Variants in DNHD1 observed in about 807,000 individuals in gnomAD.
DNHD1 encodes dynein heavy chain domain-containing protein 1.
DNHD1 carries 383 observed loss-of-function variants against 458.1 expected under a neutral mutation model. That is an observed-to-expected ratio of 0.84 (90% CI 0.77 to 0.91). The LOEUF (loss-of-function observed/expected upper bound fraction) is 0.91, where lower values mean the gene tolerates loss of function less well. DNHD1 is among the 40% of genes least tolerant of loss of function. The probability of loss-of-function intolerance (pLI) is 0.00; values close to 1 mark genes in which losing one functional copy is unlikely to be tolerated. For missense variants in DNHD1, 5,336 were observed against 5,866.1 expected, an observed-to-expected ratio of 0.91 and a Z score of 2.95; for synonymous variants, 2,203 against 2,376.9, an observed-to-expected ratio of 0.93 and a Z score of 2.13.
Position 6,571,116 on chromosome 11 carries a change from T to G in DNHD1, c.13604T>G (p.Leu4535Trp). ...AHALWTGRLPLPWRPHAPAGP... is the reference protein window; with the variant it reads ...AHALWTGRLPWPWRPHAPAGP... Reference sequence around the variant, plus strand: ...GCTCTCTGGACTGGCCGCCTACCCTTGCCTTGGCGACCTCATGCGCCGGCC... The same window carrying G: ...GCTCTCTGGACTGGCCGCCTACCCTGGCCTTGGCGACCTCATGCGCCGGCC... The change falls in exon 42 of 43, where the codon TTG (leucine) becomes TGG (tryptophan). Residue 4535 changes from leucine to tryptophan, a missense_variant. By Grantham distance (61) the Leu-to-Trp change is moderately conservative (BLOSUM62 -2). Transcript: ENST00000254579. The surrounding 1 kb of genome is among the most constrained non-coding windows in gnomAD (Gnocchi z 5.0). 6.2e-7 allele frequency: 1 copy of G among 1,600,082 alleles called. No homozygotes were observed.
Position 6,559,280 on chromosome 11 carries a change from C to A in DNHD1, c.9516C>A (p.Gly3172=), listed in dbSNP as rs760715602. 1.5e-5 allele frequency: 24 copies of A among 1,551,298 alleles called. No individual in the cohort carries two copies. The East Asian group carries it at 5.9e-4, about 38-fold the overall frequency. ...FDLEQQLKDS[G]KSLSMFQQQL... is the part of the protein sequence containing the mutation. ...TGGAACAGCAGCTGAAAGACTCCGGCAAGGTAAGGAGATGATTTTGAGGCT... is the reference window on the plus strand; with the variant it reads ...TGGAACAGCAGCTGAAAGACTCCGGAAAGGTAAGGAGATGATTTTGAGGCT... The change falls in exon 28 of 43, where the codon GGC becomes GGA. Residue 3172 remains glycine, a synonymous_variant. Coordinates refer to ENST00000254579, the MANE Select transcript of DNHD1 (RefSeq NM_144666.3).
intron 16 of DNHD1, among the ~76,000 whole-genome samples, 189 bp downstream of exon 16, chr11:6,538,999 T>C (rs1364428226): frequency 6.6e-6 from 1 of 152,206 alleles, no homozygotes; most frequent in African/African-American, 2.4e-5. Context: ...TACTACCTCC[T>C]CTCTGCTGAT....
In DNHD1 at chr11:6,551,904, T is replaced by C. The variant is rs1453186453; in HGVS notation, c.7387+2971T>C. Among the ~76,000 whole-genome samples, 2 of 133,156 alleles carry C rather than the reference T, an allele frequency of 1.5e-5. 1 individual carries two copies. The highest frequency in any genetic ancestry group is 6.3e-5 in the African/African-American group (2 of 31,782). 87.4% of individuals were successfully genotyped at this position (133,156 alleles called of 152,430 possible). On this transcript the variant is annotated intron_variant, in intron 24 of 42. Transcript: ENST00000254579. ...TGCGGTGAGCTGAGATTTGCACCAC[T>C]GCACTCCAGCCTGGTGACAGAGCGA... is the stretch of plus-strand genomic sequence containing the variant.
In DNHD1 at chr11:6,564,423, C is replaced by T. The variant is rs552630821; in HGVS notation, c.10375C>T (p.Arg3459Cys). 2.2e-5 allele frequency: 34 copies of T among 1,551,690 alleles called. No individual in the cohort carries two copies. The highest frequency in any genetic ancestry group is 9.8e-5 in the East Asian group (4 of 40,924). The change falls in exon 32 of 43, where the codon CGC (arginine) becomes TGC (cysteine). Residue 3459 changes from arginine to cysteine, a missense_variant. Transcript: ENST00000254579. ...CCTGGGTCCCTTCCCACCATTGCGG[C>T]GCCAAGAGCTACTGGACGAGTGGTT... is the stretch of plus-strand genomic sequence containing the variant. ...IYLGPFPPLR[R>C]QELLDEWLAL...
Position 6,563,718 on chromosome 11 carries a change from A to C in DNHD1, c.9878A>C (p.Lys3293Thr). 1 of 1,547,314 alleles carries C rather than the reference A, an allele frequency of 6.5e-7. No individual in the cohort carries two copies. The highest frequency in any genetic ancestry group is 2.4e-5 in the East Asian group (1 of 40,828). ...GAGCTGGTGTTCTTCCCCAAGGAGAAGATAACAGACTCAGAGCTGATAAAG... is the reference window on the plus strand; with the variant it reads ...GAGCTGGTGTTCTTCCCCAAGGAGACGATAACAGACTCAGAGCTGATAAAG... ...YQELVFFPKE[K>T]ITDSELIKLH... The change falls in exon 31 of 43, where the codon AAG (lysine) becomes ACG (threonine). Residue 3293 changes from lysine to threonine, a missense_variant. By Grantham distance (78) the Lys-to-Thr change is moderately conservative. This residue lies in a region of DNHD1 where 3,932 missense variants were observed against 4,365.6 expected (regional missense o/e 0.90). Transcript: ENST00000254579.
chr11:6,571,856 T>C lies in DNHD1; in HGVS notation c.14132T>C (p.Met4711Thr), dbSNP rs748943060. 3 of 1,613,900 alleles carry C rather than the reference T, an allele frequency of 1.9e-6. No individual in the cohort carries two copies. The highest frequency in any genetic ancestry group is 1.7e-5 in the Admixed American group (1 of 60,006). Residue 4711 changes from methionine to threonine, a missense_variant, in exon 43 of 43, where the codon ATG becomes ACG. This residue lies in a region of DNHD1 where 698 missense variants were observed against 664.9 expected (regional missense o/e 1.05). Transcript: ENST00000254579. The surrounding 1 kb of genome is among the most constrained non-coding windows in gnomAD (Gnocchi z 5.0). Reference protein sequence around the residue: ...DLTVYSCPVYMGGPLGTAKLQ... With the variant: ...DLTVYSCPVYTGGPLGTAKLQ... ...ACTGTGTACTCGTGTCCTGTGTACA[T>C]GGGAGGGCCCCTTGGCACCGCTAAG...
Position 6,519,640 on chromosome 11 carries a change from A to G in DNHD1, c.1433A>G (p.Glu478Gly). The G allele has an allele frequency of 6.2e-7, 1 of 1,614,168 alleles. No homozygotes were observed. Among genetic ancestry groups the G allele is most frequent in the Non-Finnish European group, 8.5e-7 (1 of 1,180,018 alleles). Reference sequence around the variant, plus strand: ...TACCACATGCAACAGTGCCTACAGGAGCGAGTACAAAACTGTGACAGGATC... The same window carrying G: ...TACCACATGCAACAGTGCCTACAGGGGCGAGTACAAAACTGTGACAGGATC... ...DTYHMQQCLQ[E>G]RVQNCDRIRT... Residue 478 changes from glutamate to glycine, a missense_variant, in exon 8 of 43, where the codon GAG (glutamate) becomes GGG (glycine). Glu to Gly is a moderately conservative substitution (Grantham distance 98, BLOSUM62 -2). This residue lies in a region of DNHD1 where 3,932 missense variants were observed against 4,365.6 expected (regional missense o/e 0.90). Coordinates refer to ENST00000254579, the MANE Select transcript of DNHD1 (RefSeq NM_144666.3).
chr11:6,549,034 C>G, intron 24 of DNHD1, 101 bp downstream of exon 24: 2 of 1,302,276 alleles, frequency 1.5e-6, no homozygotes, highest in South Asian at 2.7e-5. Flanking sequence ...GTCTGTAGAT[C>G]TAACTTTAGT....
chr11:6,528,503 A>T lies in DNHD1; in HGVS notation c.1838-19A>T. 1 of 1,544,114 alleles carries T rather than the reference A, an allele frequency of 6.5e-7. No individual in the cohort carries two copies. Among genetic ancestry groups the T allele is most frequent in the Non-Finnish European group, 8.8e-7 (1 of 1,141,636 alleles). On this transcript the variant is annotated intron_variant, in intron 10 of 42. Coordinates refer to ENST00000254579, the MANE Select transcript of DNHD1 (RefSeq NM_144666.3). Reference sequence around the variant, plus strand: ...CTCTGGAGGGTACTCACGGACAATTATGGCCTGTGCTCCACTAGAAGAAGA... The same window carrying T: ...CTCTGGAGGGTACTCACGGACAATTTTGGCCTGTGCTCCACTAGAAGAAGA...
Position 6,546,749 on chromosome 11 carries a change from C to G in DNHD1, c.5810C>G (p.Pro1937Arg), listed in dbSNP as rs999106146. The G allele has an allele frequency of 3.2e-6, 5 of 1,551,688 alleles. No homozygotes were observed. The Admixed American group carries it at 5.9e-5, about 18-fold the overall frequency. ...CGAGGGCTGTTGTGTGCGCTTTTCC[C>G]TAGCGCCAGCCAAGTGCTGGCAGAA... is the stretch of plus-strand genomic sequence containing the variant. ...NLRGLLCALF[P>R]SASQVLAEPM... Residue 1937 changes from proline to arginine, a missense_variant, in exon 21 of 43, where the codon CCT becomes CGT. Transcript: ENST00000254579.
Position 6,571,412 on chromosome 11 carries a change from C to G in DNHD1, c.13900C>G (p.Leu4634Val). 1 of 1,599,558 alleles carries G rather than the reference C, an allele frequency of 6.3e-7. No individual in the cohort carries two copies. The part of the protein sequence containing the change: ...YKRLEMNSNP[L>V]HFRVENGPNP... Reference sequence around the variant, plus strand: ...ACGTCTGGAGATGAACAGCAACCCTCTGCACTTCAGGGTATCTTCGCGCCG... The same window carrying G: ...ACGTCTGGAGATGAACAGCAACCCTGTGCACTTCAGGGTATCTTCGCGCCG... The change falls in exon 42 of 43, where the codon CTG becomes GTG. Residue 4634 changes from leucine to valine, a missense_variant. Physicochemically the swap from Leu to Val is conservative, Grantham distance 32. Coordinates refer to ENST00000254579, the MANE Select transcript of DNHD1 (RefSeq NM_144666.3). The surrounding 1 kb of genome is among the most constrained non-coding windows in gnomAD (Gnocchi z 5.0).
At chr11:6,513,937 G>A (rs966432956) in intron 7 of DNHD1, among the ~76,000 whole-genome samples, 5 of 151,958 alleles carry the variant, frequency 3.3e-5, no homozygotes, top group Non-Finnish European at 4.4e-5. Context: ...TCTGCCTCCC[G>A]GGTTCACACC....
At chr11:6,532,971 C>A in intron 12 of DNHD1, 56 bp from the exon 13 acceptor site, 2 of 1,515,698 alleles carry the variant, frequency 1.3e-6, no homozygotes, top group Non-Finnish European at 8.9e-7. Flanking sequence ...ACAGCACTGT[C>A]CCCAGCACCC....
chr11:6,534,201 A>T (rs1486163514), intron 14 of DNHD1, 28 bp downstream of exon 14: 1 of 1,545,642 alleles, frequency 6.5e-7, no homozygotes, highest in African/African-American at 1.4e-5. Context: ...ACCCTCCATT[A>T]TCACTCTGTG....
At chr11:6,566,147 C>T in intron 33 of DNHD1, 94 bp from the exon 34 acceptor site, 1 of 1,505,832 alleles carries the variant, frequency 6.6e-7, no homozygotes, top group Admixed American at 2.1e-5. Flanking sequence ...CTATCAGCCA[C>T]AGGGAAGCTG....
intron 24 of DNHD1, among the ~76,000 whole-genome samples, chr11:6,553,070 CTG>C (rs996486607): frequency 5.9e-4 from 90 of 152,260 alleles, no homozygotes; most frequent in African/African-American, 1.9e-3. Context: ...AAGAAATAAA[CTG>C]TTATCTTTCA....
At chr11:6,559,409 C>T (rs1853538182) in intron 28 of DNHD1, 126 bp downstream of exon 28, 1 of 787,326 alleles carries the variant, frequency 1.3e-6, no homozygotes, top group African/African-American at 1.7e-5. Flanking sequence ...CCTAGGAAAT[C>T]TCTCTGATCT....
In DNHD1 at chr11:6,548,263, A is replaced by G. The variant is rs1187252444; in HGVS notation, c.6959A>G (p.Asn2320Ser). ...AGGGATTCTATTAGTCGCCTCTCCA[A>G]CTACCCTGAGCCACCACCCTCAGCC... ...FIRDSISRLS[N>S]YPEPPPSALV... is the part of the protein sequence containing the mutation. The change falls in exon 23 of 43, where the codon AAC (asparagine) becomes AGC (serine). Residue 2320 changes from asparagine to serine, a missense_variant. Around this residue, in one of 4 missense-constraint regions of DNHD1, gnomAD observed 3,932 missense variants for 4,365.6 expected, o/e 0.90. Coordinates refer to ENST00000254579, the MANE Select transcript of DNHD1 (RefSeq NM_144666.3). The surrounding 1 kb of genome is among the most constrained non-coding windows in gnomAD (Gnocchi z 4.4). The G allele has an allele frequency of 2.6e-6, 4 of 1,551,674 alleles. No individual in the cohort carries two copies. The Admixed American group carries it at 5.9e-5, about 23-fold the overall frequency.
In DNHD1 at chr11:6,570,757, T is replaced by C. The variant is rs1456292851; in HGVS notation, c.13245T>C (p.Ser4415=). The C allele has an allele frequency of 9.9e-6, 16 of 1,612,216 alleles. No individual in the cohort carries two copies. The highest frequency in any genetic ancestry group is 4.4e-5 in the South Asian group (4 of 90,812). The part of the protein sequence containing the change: ...LLRRQSRALL[S]ALQRSSPVWV... ...GACGCCAGAGTCGCGCTCTCTTGAG[T>C]GCGCTGCAGCGGAGTTCACCCGTGT... The change falls in exon 42 of 43, where the codon AGT becomes AGC. Residue 4415 remains serine (S), a synonymous_variant. Coordinates refer to ENST00000254579, the MANE Select transcript of DNHD1 (RefSeq NM_144666.3).
Sources: gnomAD v4.1 joint callset for allele counts (sites outside exome capture counted in the v4.1 genomes callset) on GRCh38, gnomAD v4.1.1 for gene constraint, gnomAD v4.1.1 regional missense constraint, Gnocchi (gnomAD v3.1) non-coding constraint, MANE v1.5 for transcripts, NCBI Gene and HGNC (gene_info 2026-07-23, HGNC 2026-07-21) for gene names.